The following ERBB4 variants were observed in gnomAD, a reference collection of about 807,000 sequenced individuals.
The protein encoded by ERBB4 is receptor tyrosine-protein kinase erbB-4.
Under a neutral mutation model 158.0 loss-of-function variants are expected in ERBB4, and 42 were observed. The ratio of observed to expected loss-of-function variants is 0.27; its 90% CI spans 0.21 to 0.34. The LOEUF (loss-of-function observed/expected upper bound fraction) is 0.34, where lower values mean the gene tolerates loss of function less well. Ranked by LOEUF, ERBB4 falls within the 10% of genes least tolerant of loss-of-function variation. The pLI, the probability that ERBB4 is intolerant of heterozygous loss-of-function variation, is 1.00. For synonymous variants in ERBB4, 583 were observed against 558.7 expected (o/e 1.04, Z -0.61); for missense variants, 1,333 against 1,624.1 (o/e 0.82, Z 3.08).
rs182801745 is a variant in ERBB4, at chr2:211,813,737, T to C, written c.422-25578A>G. On this transcript the variant is annotated intron_variant, in intron 3 of 27. Transcript: ENST00000342788. ...AGACAGGACAGTAAACTAGTTCTCA[T>C]TGCCTTTCAGAAACCTTGCTACTTG... Among the ~76,000 whole-genome samples the C allele has an allele frequency of 9.2e-5, 14 of 152,290 alleles. No individual in the cohort carries two copies. In the East Asian group the frequency reaches 2.5e-3, roughly 27 times the overall value.
In ERBB4 at chr2:211,530,814, A is replaced by G. The variant is rs533480151; in HGVS notation, c.2487+31089T>C. Among the ~76,000 whole-genome samples the G allele has an allele frequency of 3.3e-3, 497 of 152,224 alleles. 4 individuals are homozygous for G. Among genetic ancestry groups the G allele is most frequent in the African/African-American group, 0.011 (466 of 41,564 alleles). On this transcript the variant is annotated intron_variant, in intron 20 of 27. Transcript: ENST00000342788. ...CTGAAGTGGGAGAACGCTTGTGCCT[A>G]GCAAGTCAAGGCTGCAGTGAGCCAC...
intron 17 of ERBB4, among the ~76,000 whole-genome samples, chr2:211,629,656 G>A (rs1444393459): frequency 1.3e-5 from 2 of 152,120 alleles, no homozygotes; most frequent in Non-Finnish European, 2.9e-5. Context: ...ACACTACAAG[G>A]CTGCGGTAAC....
At chr2:211,408,724 C>G (rs1371344729) in intron 25 of ERBB4, among the ~76,000 whole-genome samples, 2 of 152,286 alleles carry the variant, frequency 1.3e-5, no homozygotes, top group East Asian at 3.9e-4. Flanking sequence ...AGACCTGACA[C>G]TCGTCTGGTA....
chr2:212,003,219 A>AAGAAAGAC (rs1559294328), intron 2 of ERBB4, among the ~76,000 whole-genome samples: 1 of 58,878 alleles, frequency 1.7e-5, no homozygotes, highest in African/African-American at 4.6e-5. Flanking sequence ...GAAAGAAGGA[A>AAGAAAGAC]GGAAGGAAGG....
Position 211,402,814 on chromosome 2 carries a change from A to T in ERBB4, c.3136-14822T>A, listed in dbSNP as rs150589295. The stretch of plus-strand genomic sequence containing the variant: ...ATATTAAACTTTCAGAGACCACCCC[A>T]TCCATCTTGATGTTCTAAACACCAG... On this transcript the variant is annotated intron_variant, in intron 25 of 27. Transcript: ENST00000342788. Among the ~76,000 whole-genome samples, 1,348 of 152,062 alleles carry T rather than the reference A, an allele frequency of 8.9e-3. 60 individuals carry two copies. The highest frequency in any genetic ancestry group is 0.08 in the Admixed American group (1,216 of 15,210).
intron 10 of ERBB4, 81 bp downstream of exon 10, chr2:211,705,237 C>T (rs2106050485): frequency 3.1e-6 from 3 of 974,706 alleles, no homozygotes; most frequent in Non-Finnish European, 5.0e-6. Flanking sequence ...CTGGTGTGAG[C>T]CACGATGCCC....
intron 13 of ERBB4, 78 bp from the exon 14 acceptor site, chr2:211,673,335 G>T: frequency 1.0e-6 from 1 of 997,074 alleles, no homozygotes; most frequent in Non-Finnish European, 1.6e-6. Flanking sequence ...TCTGCTAAAA[G>T]TCCTATTGGC....
At chr2:212,304,772 C>G (rs1390440887) in intron 1 of ERBB4, among the ~76,000 whole-genome samples, 1 of 151,260 alleles carries the variant, frequency 6.6e-6, no homozygotes, top group Non-Finnish European at 1.5e-5. Flanking sequence ...AGCTAAAGTT[C>G]TTTAGAGCAA....
intron 2 of ERBB4, among the ~76,000 whole-genome samples, chr2:212,054,679 G>C (rs2077499622): frequency 6.6e-6 from 1 of 152,190 alleles, no homozygotes; most frequent in Admixed American, 6.5e-5. Flanking sequence ...GAAGTAAGCT[G>C]CGTGGGGAGA....
chr2:211,414,177 CATTTTCTGATGAAATGTTTCTTAGAAG>C (rs973102656), intron 25 of ERBB4, among the ~76,000 whole-genome samples: 2 of 152,092 alleles, frequency 1.3e-5, no homozygotes, highest in Admixed American at 1.3e-4. Context: ...TGTTTTTGAT[CATTTTCTGATGAAATGTTTCTTAGAAG>C]AAAATACAGC....
chr2:211,806,455 C>T (rs1424753272), intron 3 of ERBB4, among the ~76,000 whole-genome samples: 2 of 152,066 alleles, frequency 1.3e-5, no homozygotes, highest in African/African-American at 4.8e-5. Flanking sequence ...TAAATTTACC[C>T]TTCACCATTT....
chr2:212,477,400 T>G (rs565356258), intron 1 of ERBB4, among the ~76,000 whole-genome samples: 2 of 152,250 alleles, frequency 1.3e-5, no homozygotes, highest in African/African-American at 4.8e-5. Flanking sequence ...TTAATCTGAC[T>G]GAAAAGTAGA....
chr2:211,634,449 C>A (rs1038504727), intron 16 of ERBB4, among the ~76,000 whole-genome samples: 8 of 152,174 alleles, frequency 5.3e-5, no homozygotes, highest in Middle Eastern at 3.4e-3. Context: ...ATTTCTTACT[C>A]CTCTGAATTT....
rs561181180 is a variant in ERBB4 at position 212,113,792 on chromosome 2, C to T, written c.234+10960G>A. 3.9e-5 allele frequency among the ~76,000 whole-genome samples: 6 copies of T among 151,930 alleles called. No individual in the cohort carries two copies. The East Asian group carries it at 1.2e-3, about 29-fold the overall frequency. On this transcript the variant is annotated intron_variant, in intron 2 of 27. Transcript: ENST00000342788. ...AGTGTAAATATATAAGCTAAGTATC[C>T]CATGTTTCCATTATGGGTAGTATAT...
intron 1 of ERBB4, among the ~76,000 whole-genome samples, chr2:212,214,588 A>G (rs1198720334): frequency 6.6e-6 from 1 of 151,728 alleles, no homozygotes; most frequent in African/African-American, 2.4e-5. Flanking sequence ...ACCATCACAC[A>G]CCTGGTAAAA....
intron 4 of ERBB4, among the ~76,000 whole-genome samples, chr2:211,766,325 A>G (rs1187736432): frequency 6.6e-6 from 1 of 152,192 alleles, no homozygotes; most frequent in Non-Finnish European, 1.5e-5. Context: ...AGCTCCCTGT[A>G]GATACCACAT....
chr2:212,169,237 G>T lies in ERBB4; in HGVS notation c.83-44334C>A, dbSNP rs181620054. ...GTACAAAAATATTTATTTTAATAAA[G>T]ATACATTCCTCACAAAGAAGAAAAA... On this transcript the variant is annotated intron_variant, in intron 1 of 27. Coordinates refer to ENST00000342788, the MANE Select transcript of ERBB4 (RefSeq NM_005235.3). 9.9e-4 allele frequency among the ~76,000 whole-genome samples: 151 copies of T among 152,080 alleles called. 1 individual carries two copies. Among genetic ancestry groups the T allele is most frequent in the African/African-American group, 3.3e-3 (139 of 41,508 alleles).
chr2:211,703,527 C>T (rs1213213386), intron 11 of ERBB4, among the ~76,000 whole-genome samples: 4 of 152,096 alleles, frequency 2.6e-5, no homozygotes, highest in Admixed American at 2.6e-4. Flanking sequence ...TAAATAAGAA[C>T]ATCATACAGA....
chr2:211,497,893 AAC>A (rs2065512150), intron 20 of ERBB4, among the ~76,000 whole-genome samples: 1 of 152,162 alleles, frequency 6.6e-6, no homozygotes, highest in African/African-American at 2.4e-5. Flanking sequence ...CTAACTAGAA[AAC>A]ACAGACAAGA....
Sources: gnomAD v4.1 joint callset for allele counts (sites outside exome capture counted in the v4.1 genomes callset) on GRCh38, gnomAD v4.1.1 for gene constraint, MANE v1.5 for transcripts, NCBI Gene and HGNC (gene_info 2026-07-23, HGNC 2026-07-21) for gene names.